The following MARCHF1 variants were observed in gnomAD, a reference collection of about 807,000 sequenced individuals.
MARCHF1 encodes the protein E3 ubiquitin-protein ligase MARCHF1.
In MARCHF1, 40 loss-of-function variants were observed where a neutral mutation model predicts 54.2. The observed-to-expected ratio is 0.74, with a 90% confidence interval of 0.57 to 0.96. The LOEUF is 0.96. Ranked by LOEUF, MARCHF1 falls within the 40% of genes least tolerant of loss-of-function variation. The pLI, the probability that MARCHF1 is intolerant of heterozygous loss-of-function variation, is 0.00. For missense variants in MARCHF1, 586 were observed against 656.5 expected, an observed-to-expected ratio of 0.89 and a Z score of 1.17; for synonymous variants, 236 against 236.3, an observed-to-expected ratio of 1.00 and a Z score of 0.01.
intron 1 of MARCHF1, among the ~76,000 whole-genome samples, chr4:164,244,417 A>G (rs1732875499): frequency 1.3e-5 from 2 of 151,912 alleles, no homozygotes; most frequent in African/African-American, 4.8e-5. Context: ...AACGAGAACA[A>G]AGACACAACA....
chr4:164,344,458 TTGTGTGTGTGTGTGTG>T (rs144379635), intron 1 of MARCHF1, among the ~76,000 whole-genome samples: 3 of 147,976 alleles, frequency 2.0e-5, no homozygotes, highest in African/African-American at 7.4e-5. Flanking sequence ...ATGCACGTGT[TTGTGTGTGTGTGTGTG>T]TGTGTGTGTG....
At chr4:164,249,390 G>A (rs1271922916) in intron 1 of MARCHF1, among the ~76,000 whole-genome samples, 1 of 151,992 alleles carries the variant, frequency 6.6e-6, no homozygotes, top group African/African-American at 2.4e-5. Flanking sequence ...GCAGAGAGGA[G>A]CATAAATAAA....
chr4:163,900,741 A>T (rs1406569884), intron 3 of MARCHF1, among the ~76,000 whole-genome samples: 1 of 152,160 alleles, frequency 6.6e-6, no homozygotes, highest in African/African-American at 2.4e-5. Context: ...GTCTAACAGC[A>T]TATATTAGGA....
Position 163,593,091 on chromosome 4 carries a change from G to A in MARCHF1, c.1011-7162C>T, listed in dbSNP as rs867195821. ...AGAGGACCATGTATTTCTGCATAAA[G>A]GAAATGAGTTCCCCAGTGCCATTTA... On this transcript the variant is annotated intron_variant, in intron 7 of 9. Transcript: ENST00000514618. Among the ~76,000 whole-genome samples the A allele has an allele frequency of 6.6e-5, 10 of 152,190 alleles. No individual in the cohort carries two copies. In the Middle Eastern group the frequency reaches 0.027, roughly 414 times the overall value.
rs547620722 is a variant in MARCHF1 at position 163,524,846 on chromosome 4, A to G, written c.*3902T>C. Reference sequence around the variant, plus strand: ...TAATGCAAGAGAATTATGTAAAACCAAAATAGTACAAATGCCTAATTTCAA... The same window carrying G: ...TAATGCAAGAGAATTATGTAAAACCGAAATAGTACAAATGCCTAATTTCAA... On this transcript the variant is annotated 3_prime_UTR_variant, in exon 10 of 10. Transcript: ENST00000514618. The G allele has an allele frequency of 9.2e-4, 140 of 152,330 alleles. No homozygotes were observed. The highest frequency in any genetic ancestry group is 3.3e-3 in the African/African-American group (137 of 41,588). 9.4% of individuals were successfully genotyped at this position (152,330 alleles called of 1,614,324 possible). A position where few individuals can be genotyped will look rare whatever the true frequency, so the allele number is the denominator to read the frequency against.
intron 4 of MARCHF1, among the ~76,000 whole-genome samples, chr4:163,759,232 A>G (rs1746763688): frequency 6.6e-6 from 1 of 151,900 alleles, no homozygotes; most frequent in Non-Finnish European, 1.5e-5. Flanking sequence ...GGAAGCTTAA[A>G]TTCAGAAGCC....
chr4:163,848,321 C>T (rs1309137325), intron 4 of MARCHF1, among the ~76,000 whole-genome samples: 1 of 152,126 alleles, frequency 6.6e-6, no homozygotes, highest in Non-Finnish European at 1.5e-5. Context: ...CAAGTCACCT[C>T]TATCAAACAC....
rs1427539023 is a variant in MARCHF1, at chr4:164,194,558, C to G, written c.-322-82896G>C. On this transcript the variant is annotated intron_variant, in intron 1 of 9. Coordinates refer to ENST00000514618, the MANE Select transcript of MARCHF1 (RefSeq NM_001394959.1). ...TCAAAATCTTGCAGTTAATTAACTT[C>G]TCACACTCACAGCCTGCATCTCTTG... 2.0e-5 allele frequency among the ~76,000 whole-genome samples: 3 copies of G among 152,074 alleles called. No homozygotes were observed. In the East Asian group the frequency reaches 5.8e-4, roughly 29 times the overall value.
At chr4:163,888,899 T>C (rs1233761737) in intron 3 of MARCHF1, among the ~76,000 whole-genome samples, 1 of 152,184 alleles carries the variant, frequency 6.6e-6, no homozygotes, top group Non-Finnish European at 1.5e-5. Context: ...CCAGATACTT[T>C]ACTAGATGCT....
intron 1 of MARCHF1, among the ~76,000 whole-genome samples, chr4:164,311,892 T>A (rs1040872179): frequency 6.6e-6 from 1 of 152,212 alleles, no homozygotes; most frequent in Admixed American, 6.5e-5. Flanking sequence ...GATTTATGGC[T>A]TTCTATTTAA....
chr4:164,032,573 C>CTTAAT (rs1753901348), intron 2 of MARCHF1, among the ~76,000 whole-genome samples: 4 of 152,054 alleles, frequency 2.6e-5, no homozygotes, highest in African/African-American at 4.8e-5. Context: ...TTGATTTCTA[C>CTTAAT]CTTAATTTCA....
chr4:163,712,688 C>G (rs1044892113), intron 4 of MARCHF1, among the ~76,000 whole-genome samples: 1 of 152,170 alleles, frequency 6.6e-6, no homozygotes, highest in African/African-American at 2.4e-5. Flanking sequence ...TATAAAACAG[C>G]TGAGGATACA....
intron 2 of MARCHF1, among the ~76,000 whole-genome samples, chr4:164,032,425 T>C (rs535051399): frequency 6.6e-6 from 1 of 152,300 alleles, no homozygotes; most frequent in African/African-American, 2.4e-5. Flanking sequence ...ATTGGGATGT[T>C]AGGGTGTCAA....
intron 4 of MARCHF1, among the ~76,000 whole-genome samples, chr4:163,753,336 G>A (rs1002110931): frequency 2.0e-5 from 3 of 151,734 alleles, no homozygotes; most frequent in Non-Finnish European, 4.4e-5. Context: ...TTTACTGTAA[G>A]GAACAATTAA....
At chr4:164,030,257 T>C (rs1013708307) in intron 2 of MARCHF1, among the ~76,000 whole-genome samples, 3 of 151,970 alleles carry the variant, frequency 2.0e-5, no homozygotes, top group Admixed American at 6.6e-5. Flanking sequence ...ATGCTTTTTT[T>C]GGAAAAAAAT....
intron 3 of MARCHF1, among the ~76,000 whole-genome samples, chr4:163,924,148 G>A (rs570917881): frequency 4.2e-4 from 64 of 152,188 alleles, no homozygotes; most frequent in Non-Finnish European, 7.7e-4. Context: ...GAGATGAAGT[G>A]CCATATTCAT....
intron 1 of MARCHF1, among the ~76,000 whole-genome samples, chr4:164,242,055 GC>G (rs1012676411): frequency 7.9e-5 from 12 of 152,170 alleles, no homozygotes; most frequent in Admixed American, 2.6e-4. Context: ...AGGGGGAGGG[GC>G]GCCCGCCATT....
chr4:164,197,185 T>C (rs1348669307), intron 1 of MARCHF1: 3 of 1,608,740 alleles, frequency 1.9e-6, no homozygotes, highest in Non-Finnish European at 1.7e-6. Context: ...AGCATCTTCA[T>C]CATACTCCTC....
chr4:163,567,387 G>A (rs1281364239), intron 8 of MARCHF1, among the ~76,000 whole-genome samples: 1 of 152,184 alleles, frequency 6.6e-6, no homozygotes, highest in Non-Finnish European at 1.5e-5. Flanking sequence ...CACTGGCTGT[G>A]TTCACTGGGA....
Sources: allele counts gnomAD v4.1 joint callset (sites outside exome capture counted in the v4.1 genomes callset), GRCh38; gene constraint gnomAD v4.1.1; transcripts MANE v1.5; gene names NCBI Gene and HGNC (gene_info 2026-07-23, HGNC 2026-07-21).